Variants in NREP observed in about 807,000 individuals in gnomAD.
NREP encodes neuronal regeneration-related protein.
A neutral mutation model predicts 8.6 loss-of-function variants in NREP; 5 were observed. The observed-to-expected ratio is 0.58, with a 90% CI of 0.30 to 1.22. The LOEUF (loss-of-function observed/expected upper bound fraction) is 1.22. Among genes scored for constraint, NREP ranks in the 50% most tolerant of loss-of-function variants. NREP has a pLI of 0.07. For synonymous variants in NREP, 27 were observed against 28.0 expected (o/e 0.96, Z 0.11); for missense variants, 86 against 82.5 (o/e 1.04, Z -0.17).
chr5:111,952,913 C>CT (rs1027255644), intron 2 of NREP, among the ~76,000 whole-genome samples: 15 of 152,162 alleles, frequency 9.9e-5, no homozygotes, highest in African/African-American at 2.6e-4. Context: ...GGACTCTTCA[C>CT]TTTTTACTTG....
At chr5:111,874,064 T>C (rs1033783752) in intron 2 of NREP, among the ~76,000 whole-genome samples, 2 of 152,082 alleles carry the variant, frequency 1.3e-5, no homozygotes, top group East Asian at 1.9e-4. Context: ...GGAAAGGAAG[T>C]TGTTGATAGG....
rs147476179 is a variant in NREP, at chr5:111,908,700, G to A, written c.135+66574C>T. ...GTTGATGGGCACCTTGGTTGACTCC[G>A]TGTTTTTGCTATTGTGAGTAACACT... On this transcript the variant is annotated intron_variant, in intron 2 of 3. Transcript: ENST00000395634. Among the ~76,000 whole-genome samples, 4 of 151,904 alleles carry A rather than the reference G, an allele frequency of 2.6e-5. No individual in the cohort carries two copies. The East Asian group carries it at 5.8e-4, about 22-fold the overall frequency.
intron 2 of NREP, among the ~76,000 whole-genome samples, chr5:111,943,786 G>A (rs491101): frequency 0.47 from 71,744 of 151,882 alleles, 17,817 homozygotes; most frequent in Non-Finnish European, 0.56. Context: ...TTAATTTTCT[G>A]TTTTGTGAAT....
intron 2 of NREP, among the ~76,000 whole-genome samples, chr5:111,890,098 G>A (rs1402755794): frequency 6.6e-6 from 1 of 152,172 alleles, no homozygotes; most frequent in Admixed American, 6.5e-5. Context: ...TGGGCTCAGA[G>A]ACCCGACAGG....
chr5:111,780,051 G>T (rs1044841688), intron 2 of NREP, among the ~76,000 whole-genome samples: 1 of 152,214 alleles, frequency 6.6e-6, no homozygotes, highest in Non-Finnish European at 1.5e-5. Flanking sequence ...AATGCAGAGG[G>T]GGAAATTGTC....
At position 111,783,222 on chromosome 5, in the gene NREP, G is replaced by A. The variant is rs114936792; in HGVS notation, c.136-47715C>T. 7.9e-3 allele frequency among the ~76,000 whole-genome samples: 1,202 copies of A among 152,232 alleles called. 19 individuals carry two copies. The highest frequency in any genetic ancestry group is 0.028 in the African/African-American group (1,155 of 41,538). The stretch of plus-strand genomic sequence containing the variant: ...TATGCAGATTCTTGTCATGAGAAAA[G>A]GAGCAAAGGAGCAGGGATCATGTAC... On this transcript the variant is annotated intron_variant, in intron 2 of 3. Coordinates refer to the NREP transcript ENST00000395634.
intron 2 of NREP, among the ~76,000 whole-genome samples, chr5:111,949,246 G>A (rs1235994132): frequency 2.0e-5 from 3 of 151,940 alleles, no homozygotes; most frequent in African/African-American, 7.2e-5. Context: ...TGGAACATGT[G>A]GGCCACACCA....
chr5:111,815,355 T>A (rs1581137453), intron 2 of NREP, among the ~76,000 whole-genome samples: 2 of 152,198 alleles, frequency 1.3e-5, no homozygotes, highest in Non-Finnish European at 2.9e-5. Flanking sequence ...CCTCTTTTAC[T>A]CTAATTTCTC....
intron 2 of NREP, among the ~76,000 whole-genome samples, chr5:111,804,762 A>G (rs923688458): frequency 1.6e-4 from 25 of 151,878 alleles, no homozygotes; most frequent in African/African-American, 4.6e-4. Context: ...AGCACTTTGG[A>G]AGGCCGAGGC....
chr5:111,741,584 G>A (rs549742040), intron 2 of NREP, among the ~76,000 whole-genome samples: 10 of 152,238 alleles, frequency 6.6e-5, no homozygotes, highest in African/African-American at 2.4e-4. Flanking sequence ...CTCTAGAGAC[G>A]TAGTCTTAGA....
chr5:111,969,192 C>G (rs147942073), intron 2 of NREP, among the ~76,000 whole-genome samples: 587 of 152,252 alleles, frequency 3.9e-3, no homozygotes, highest in Admixed American at 9.7e-3. Flanking sequence ...CTCAATGACA[C>G]GGTTAAAAAT....
intron 2 of NREP, among the ~76,000 whole-genome samples, chr5:111,744,541 A>C (rs1055405625): frequency 1.3e-5 from 2 of 152,128 alleles, no homozygotes; most frequent in Non-Finnish European, 2.9e-5. Context: ...CTAAAAGTAC[A>C]AGAGGAATGG....
intron 2 of NREP, among the ~76,000 whole-genome samples, chr5:111,922,580 G>T (rs1755275346): frequency 6.6e-6 from 1 of 152,132 alleles, no homozygotes; most frequent in Admixed American, 6.6e-5. Context: ...GCCATCTGTT[G>T]AGGGAGGTGT....
chr5:111,906,292 C>A (rs1265788962), intron 2 of NREP, among the ~76,000 whole-genome samples: 1 of 151,348 alleles, frequency 6.6e-6, no homozygotes, highest in Non-Finnish European at 1.5e-5. Flanking sequence ...GGTAAAAGAT[C>A]AATATTTTTA....
upstream of NREP, chr5:111,757,416 TTCTCTA>T (rs1274620265): frequency 3.1e-6 from 3 of 982,618 alleles, no homozygotes. Context: ...GTCTCTCTCT[TTCTCTA>T]AGAGTCTCTC....
chr5:111,729,839 A>G lies in NREP; in HGVS notation c.*1082T>C, dbSNP rs1748392183. 1 of 152,666 alleles carries G rather than the reference A, an allele frequency of 6.6e-6. No individual in the cohort carries two copies. Among genetic ancestry groups the G allele is most frequent in the Non-Finnish European group, 1.5e-5 (1 of 68,044 alleles). 9.5% of individuals were successfully genotyped at this position (152,666 alleles called of 1,614,324 possible). A position where few individuals can be genotyped will look rare whatever the true frequency, so the allele number is the denominator to read the frequency against. The stretch of plus-strand genomic sequence containing the variant: ...ATGCTCTGCCTTTTAAAAAAGTATC[A>G]TGATTTTGTAGACCTTGTTTTCCAA... On this transcript the variant is annotated 3_prime_UTR_variant, in exon 4 of 4. Coordinates refer to ENST00000257435, the MANE Select transcript of NREP (RefSeq NM_004772.4).
chr5:111,882,806 T>A (rs1309274361), intron 2 of NREP, among the ~76,000 whole-genome samples: 1 of 152,132 alleles, frequency 6.6e-6, no homozygotes, highest in Non-Finnish European at 1.5e-5. Context: ...AGGCCTGCCC[T>A]AAAAGAGCTC....
At chr5:111,847,462 T>C (rs772905444) in intron 2 of NREP, among the ~76,000 whole-genome samples, 8 of 152,152 alleles carry the variant, frequency 5.3e-5, no homozygotes, top group Non-Finnish European at 1.2e-4. Flanking sequence ...TTTCAACATA[T>C]GAATTTTGGG....
At position 111,750,115 on chromosome 5, in the gene NREP, T is replaced by C. The variant is rs545024376; in HGVS notation, c.3+5655A>G. Reference sequence around the variant, plus strand: ...GTCCTTGACTTCTAGGTCTAGTTTTTGAGGTCTGTCCTTGACAGCACAGAG... The same window carrying C: ...GTCCTTGACTTCTAGGTCTAGTTTTCGAGGTCTGTCCTTGACAGCACAGAG... On this transcript the variant is annotated intron_variant, in intron 2 of 3. Transcript: ENST00000257435. Among the ~76,000 whole-genome samples, 137 of 152,178 alleles carry C rather than the reference T, an allele frequency of 9.0e-4. 1 individual carries two copies. The highest frequency in any genetic ancestry group is 1.2e-3 in the Non-Finnish European group (80 of 68,016).
Sources: gnomAD v4.1 joint callset for allele counts (sites outside exome capture counted in the v4.1 genomes callset) on GRCh38, gnomAD v4.1.1 for gene constraint, MANE v1.5 for transcripts, NCBI Gene and HGNC (gene_info 2026-07-23, HGNC 2026-07-21) for gene names.